FRMD4B: variants seen among roughly 807,000 people sequenced by gnomAD.
The protein encoded by FRMD4B is FERM domain containing 4B, also known as FERM domain-containing protein 4B.
Under a neutral mutation model 141.5 loss-of-function variants are expected in FRMD4B, and 74 were observed. The ratio of observed to expected loss-of-function variants is 0.52; its 90% CI spans 0.43 to 0.63. FRMD4B has a LOEUF of 0.63. Among genes scored for constraint, FRMD4B ranks in the 30% least tolerant of loss-of-function variants. The pLI is 0.00. For synonymous variants in FRMD4B, 506 were observed against 467.9 expected, an observed-to-expected ratio of 1.08 and a Z score of -1.05; for missense variants, 1,366 against 1,253.4, an observed-to-expected ratio of 1.09 and a Z score of -1.36.
intron 5 of FRMD4B, among the ~76,000 whole-genome samples, chr3:69,259,748 AAAT>A (rs1202766024): frequency 6.6e-6 from 1 of 152,260 alleles, no homozygotes; most frequent in Non-Finnish European, 1.5e-5. Context: ...TTTAAAAAAG[AAAT>A]AATAATTTGT....
chr3:69,365,071 T>G (rs992162155), intron 1 of FRMD4B, among the ~76,000 whole-genome samples: 1 of 152,236 alleles, frequency 6.6e-6, no homozygotes, highest in Non-Finnish European at 1.5e-5. Context: ...AAGATTTTAG[T>G]GCATAACAGA....
chr3:69,366,984 C>T (rs766036648), intron 1 of FRMD4B, among the ~76,000 whole-genome samples: 1 of 152,042 alleles, frequency 6.6e-6, no homozygotes, highest in African/African-American at 2.4e-5. Flanking sequence ...CCAGGCTGGT[C>T]GTGAACTCCT....
chr3:69,354,849 T>C (rs1232627213), intron 1 of FRMD4B, among the ~76,000 whole-genome samples: 2 of 152,178 alleles, frequency 1.3e-5, no homozygotes, highest in Non-Finnish European at 2.9e-5. Flanking sequence ...ATGCTAAGTT[T>C]GGATGCAAAT....
intron 1 of FRMD4B, among the ~76,000 whole-genome samples, chr3:69,450,165 T>C (rs745532577): frequency 6.6e-6 from 1 of 152,224 alleles, no homozygotes; most frequent in Non-Finnish European, 1.5e-5. Flanking sequence ...CAATAATCAT[T>C]AGCCATCATG....
At chr3:69,256,989 C>T (rs2093497208) in intron 5 of FRMD4B, among the ~76,000 whole-genome samples, 2 of 152,112 alleles carry the variant, frequency 1.3e-5, no homozygotes, top group Non-Finnish European at 2.9e-5. Context: ...TGAGGCTGCC[C>T]TGGGCATTAT....
intron 5 of FRMD4B, among the ~76,000 whole-genome samples, chr3:69,253,183 ATTTTTTT>A (rs5849890): frequency 2.3e-5 from 3 of 129,892 alleles, no homozygotes; most frequent in Admixed American, 1.6e-4. Flanking sequence ...TATGATTCCT[ATTTTTTT>A]TTTTTTTTTT....
chr3:69,409,608 G>A (rs1704719887), intron 2 of FRMD4B, among the ~76,000 whole-genome samples: 1 of 152,136 alleles, frequency 6.6e-6, no homozygotes, highest in African/African-American at 2.4e-5. Flanking sequence ...CAACCCAGGT[G>A]CTAACCTCCA....
At chr3:69,534,943 A>G (rs995178654) in intron 1 of FRMD4B, among the ~76,000 whole-genome samples, 1 of 151,476 alleles carries the variant, frequency 6.6e-6, no homozygotes, top group African/African-American at 2.4e-5. Flanking sequence ...AATATGAATT[A>G]TTATTTTTTC....
intron 1 of FRMD4B, among the ~76,000 whole-genome samples, chr3:69,442,194 A>G (rs1206065293): frequency 1.3e-5 from 2 of 151,440 alleles, no homozygotes; most frequent in Admixed American, 1.3e-4. Context: ...CAGTCCTCCT[A>G]ACTCAGCCCC....
At chr3:69,340,475 C>T (rs1191801495) in intron 1 of FRMD4B, among the ~76,000 whole-genome samples, 1 of 152,102 alleles carries the variant, frequency 6.6e-6, no homozygotes, top group African/African-American at 2.4e-5. Flanking sequence ...GATGTTTTTG[C>T]GAAGGATGTG....
chr3:69,261,960 G>A (rs1436684523), intron 5 of FRMD4B, among the ~76,000 whole-genome samples: 3 of 150,026 alleles, frequency 2.0e-5, no homozygotes, highest in East Asian at 2.0e-4. Flanking sequence ...CTGAGCCACC[G>A]TGCCTGCCCT....
intron 1 of FRMD4B, among the ~76,000 whole-genome samples, chr3:69,356,856 A>C (rs1272811295): frequency 1.3e-5 from 2 of 152,118 alleles, no homozygotes; most frequent in Non-Finnish European, 2.9e-5. Flanking sequence ...CACTGTCTGA[A>C]TTATGAAATG....
chr3:69,414,199 A>G (rs1382217213), intron 2 of FRMD4B, among the ~76,000 whole-genome samples: 2 of 152,156 alleles, frequency 1.3e-5, no homozygotes, highest in East Asian at 1.9e-4. Context: ...AAATCATAAG[A>G]GCTTGCACAA....
rs537468553 is a variant in FRMD4B at position 69,342,101 on chromosome 3, C to A, written c.163-28584G>T. Among the ~76,000 whole-genome samples the A allele has an allele frequency of 1.5e-4, 23 of 152,276 alleles. No homozygotes were observed. The South Asian group carries it at 4.4e-3, about 29-fold the overall frequency. ...AGAGAAGCTTGCAAACACTTCCCCC[C>A]ACAAATATAGGCAAAATGTGTTAAT... On this transcript the variant is annotated intron_variant, in intron 1 of 22. Coordinates refer to ENST00000398540, the MANE Select transcript of FRMD4B (RefSeq NM_015123.3).
chr3:69,344,655 C>T (rs1253680893), intron 1 of FRMD4B, among the ~76,000 whole-genome samples: 2 of 152,190 alleles, frequency 1.3e-5, no homozygotes, highest in African/African-American at 4.8e-5. Flanking sequence ...TTCAGCCACA[C>T]CATACTGTTG....
intron 22 of FRMD4B, among the ~76,000 whole-genome samples, chr3:69,174,058 C>A (rs4359814): frequency 0.88 from 133,818 of 151,676 alleles, 60,782 homozygotes; most frequent in Non-Finnish European, 0.99. Context: ...AATCACTTGA[C>A]CCTGGGTGGC....
chr3:69,293,880 C>CAAAAAAAAAAAAAAAAAAAAAAAAAA (rs10699871), intron 4 of FRMD4B, among the ~76,000 whole-genome samples: 1 of 74,440 alleles, frequency 1.3e-5, no homozygotes, highest in African/African-American at 6.0e-5. Context: ...GATTCTGCCT[C>CAAAAAAAAAAAAAAAAAAAAAAAAAA]AAAAAAAAAA....
intron 1 of FRMD4B, among the ~76,000 whole-genome samples, chr3:69,341,772 C>T (rs75412262): frequency 4.6e-5 from 7 of 152,214 alleles, no homozygotes; most frequent in African/African-American, 1.7e-4. Flanking sequence ...AGGCTTCATG[C>T]AGCATTTGGC....
At chr3:69,337,900 G>A (rs1031604336) in intron 1 of FRMD4B, among the ~76,000 whole-genome samples, 17 of 152,334 alleles carry the variant, frequency 1.1e-4, no homozygotes, top group Admixed American at 2.6e-4. Context: ...ACAGTGTGGC[G>A]ATTCCTCAGG....
Sources: allele counts gnomAD v4.1 joint callset (sites outside exome capture counted in the v4.1 genomes callset), GRCh38; gene constraint gnomAD v4.1.1; transcripts MANE v1.5; gene names NCBI Gene and HGNC (gene_info 2026-07-23, HGNC 2026-07-21).